Variants in TMEM127 observed in about 807,000 individuals in gnomAD.
TMEM127 encodes the protein transmembrane protein 127.
A neutral mutation model predicts 20.1 loss-of-function variants in TMEM127; 21 were observed. That is an observed-to-expected ratio of 1.04 (90% CI 0.74 to 1.50). The LOEUF (loss-of-function observed/expected upper bound fraction) is 1.50. TMEM127 is among the 40% of genes most tolerant of loss of function. TMEM127 has a pLI of 0.00. For synonymous variants in TMEM127, 150 were observed against 144.7 expected (o/e 1.04, Z -0.26); for missense variants, 303 against 317.4 (o/e 0.95, Z 0.34).
intron 2 of TMEM127, among the ~76,000 whole-genome samples, chr2:96,256,650 TAAAGA>T (rs1472048047): frequency 1.4e-5 from 2 of 143,708 alleles, no homozygotes; most frequent in Non-Finnish European, 3.1e-5. Flanking sequence ...AAAAGTAAAA[TAAAGA>T]AAAGAGGAAG....
chr2:96,259,268 C>T (rs925553503), intron 2 of TMEM127, among the ~76,000 whole-genome samples: 7 of 152,236 alleles, frequency 4.6e-5, no homozygotes, highest in African/African-American at 1.7e-4. Flanking sequence ...GAGTCGGGGG[C>T]TCCAGAAGGT....
chr2:96,255,681 G>GA (rs1164637028), intron 2 of TMEM127, among the ~76,000 whole-genome samples: 4 of 152,200 alleles, frequency 2.6e-5, no homozygotes, highest in Non-Finnish European at 5.9e-5. Flanking sequence ...AGATAGTCAT[G>GA]ATGCATGTGC....
chr2:96,264,166 G>A (rs754897701), intron 2 of TMEM127, among the ~76,000 whole-genome samples: 3 of 152,246 alleles, frequency 2.0e-5, no homozygotes, highest in Non-Finnish European at 4.4e-5. Context: ...TGCAGAAGCA[G>A]AGTATGGTCC....
intron 2 of TMEM127, among the ~76,000 whole-genome samples, chr2:96,257,072 G>T (rs1174596376): frequency 6.6e-6 from 1 of 152,204 alleles, no homozygotes; most frequent in Non-Finnish European, 1.5e-5. Context: ...TGGGGGTCAT[G>T]GTGCAGGGAG....
rs554246308 is a variant in TMEM127 at position 96,256,144 on chromosome 2, G to A, written c.245-1147C>T. Reference sequence around the variant, plus strand: ...AAATTAGCTGGGTGTGATCGCATGCGCCTGTAGTCCCAGCTACTCTGGAGG... The same window carrying A: ...AAATTAGCTGGGTGTGATCGCATGCACCTGTAGTCCCAGCTACTCTGGAGG... On this transcript the variant is annotated intron_variant, in intron 2 of 3. Coordinates refer to ENST00000258439, the MANE Select transcript of TMEM127 (RefSeq NM_017849.4). Among the ~76,000 whole-genome samples, 10 of 151,784 alleles carry A rather than the reference G, an allele frequency of 6.6e-5. No individual in the cohort carries two copies. The South Asian group carries it at 1.7e-3, about 25-fold the overall frequency.
At chr2:96,263,020 A>G (rs1297949841) in intron 2 of TMEM127, among the ~76,000 whole-genome samples, 1 of 151,134 alleles carries the variant, frequency 6.6e-6, no homozygotes. Context: ...ACACATGTGA[A>G]CAAAGAAGAA....
Position 96,253,689 on chromosome 2 carries a change from T to C in TMEM127, c.*119A>G, listed in dbSNP as rs1684137756. On this transcript the variant is annotated 3_prime_UTR_variant, in exon 4 of 4. Transcript: ENST00000258439. The surrounding 1 kb of genome is among the most constrained non-coding windows in gnomAD (Gnocchi z 4.3). The stretch of plus-strand genomic sequence containing the variant: ...GGCAGAGTCTCTCCTGGGGAAGGTT[T>C]GGAGAAGATGGTCAGGATCCTACCA... 1 of 1,142,742 alleles carries C rather than the reference T, an allele frequency of 8.8e-7. No individual in the cohort carries two copies. Among genetic ancestry groups the C allele is most frequent in the Non-Finnish European group, 1.2e-6 (1 of 815,938 alleles). The allele number at this position is 1,142,742 out of a possible 1,614,324, so 70.8% of individuals were successfully genotyped here.
intron 2 of TMEM127, among the ~76,000 whole-genome samples, chr2:96,264,694 C>T (rs1684378039): frequency 6.6e-6 from 1 of 152,228 alleles, no homozygotes; most frequent in Non-Finnish European, 1.5e-5. Flanking sequence ...CACAGATTCC[C>T]TTCTTCTCTA....
At position 96,248,933 on chromosome 2, in the gene TMEM127, G is replaced by A. The variant is rs1684029871; in HGVS notation, c.*4875C>T. ...CTTATGAAGCCCCTTACCACCCACTGTGTTGCTGTCCCACTCAGCTGAAGG... is the reference window on the plus strand; with the variant it reads ...CTTATGAAGCCCCTTACCACCCACTATGTTGCTGTCCCACTCAGCTGAAGG... On this transcript the variant is annotated 3_prime_UTR_variant, in exon 4 of 4. Transcript: ENST00000258439. 1 of 232,682 alleles carries A rather than the reference G, an allele frequency of 4.3e-6. No homozygotes were observed. Among genetic ancestry groups the A allele is most frequent in the Non-Finnish European group, 8.5e-6 (1 of 117,702 alleles). The allele number at this position is 232,682 out of a possible 1,614,324, so 14.4% of individuals were successfully genotyped here.
At chr2:96,260,540 G>C (rs1026416892) in intron 2 of TMEM127, 10 of 152,330 alleles carry the variant, frequency 6.6e-5, no homozygotes, top group African/African-American at 2.2e-4. Context: ...ACACTGCTTG[G>C]CGGTGCCCTC....
rs1684047222 is a variant in TMEM127 at position 96,249,642 on chromosome 2, C to T, written c.*4166G>A. ...CTCTTCTCCACAAACCTCCTGCCTC[C>T]CATTAAAATGTCACTCCCCCCAAAA... On this transcript the variant is annotated 3_prime_UTR_variant, in exon 4 of 4. Transcript: ENST00000258439. 1 of 232,908 alleles carries T rather than the reference C, an allele frequency of 4.3e-6. No homozygotes were observed. Among genetic ancestry groups the T allele is most frequent in the Admixed American group, 5.6e-5 (1 of 17,768 alleles). The allele number at this position is 232,908 out of a possible 1,614,324, so 14.4% of individuals were successfully genotyped here. A position where few individuals can be genotyped will look rare whatever the true frequency, so the allele number is the denominator to read the frequency against.
intron 2 of TMEM127, among the ~76,000 whole-genome samples, chr2:96,255,762 G>A (rs1041937242): frequency 1.1e-4 from 17 of 152,136 alleles, no homozygotes; most frequent in South Asian, 2.1e-4. Context: ...AGGATTGCTC[G>A]AGGCCAAGAG....
At chr2:96,265,595 G>A (rs1684405586) in intron 1 of TMEM127, 83 bp from the exon 2 acceptor site, 2 of 491,354 alleles carry the variant, frequency 4.1e-6, no homozygotes, top group African/African-American at 2.0e-5. Flanking sequence ...TCGGGGGGCG[G>A]AGACAGGAGA....
chr2:96,261,831 T>G (rs1684316366), intron 2 of TMEM127, among the ~76,000 whole-genome samples: 1 of 152,010 alleles, frequency 6.6e-6, no homozygotes, highest in Non-Finnish European at 1.5e-5. Context: ...AAAGCAGGCA[T>G]GGGGTGTGCT....
chr2:96,265,330 G>A lies in TMEM127; in HGVS notation c.52C>T (p.Pro18Ser), dbSNP rs1452142786. The A allele has an allele frequency of 5.3e-6, 8 of 1,520,814 alleles. No individual in the cohort carries two copies. Among genetic ancestry groups the A allele is most frequent in the African/African-American group, 2.8e-5 (2 of 72,030 alleles). The allele number at this position is 1,520,814 out of a possible 1,614,324, so 94.2% of individuals were successfully genotyped here. ...TGCTTGGGCAGAGCGCTGCCTCCCG[G>A]GCTCCTCCGCCGGCGCCCGCCGGGC... Reference protein sequence around the residue: ...GLPGGRRRRSPGGSALPKQPE... With the variant: ...GLPGGRRRRSSGGSALPKQPE... The change falls in exon 2 of 4, where the codon CCG becomes TCG. Residue 18 changes from proline (P) to serine (S), a missense_variant. Transcript: ENST00000258439.
chr2:96,254,529 T>C (rs926982387), intron 3 of TMEM127, among the ~76,000 whole-genome samples: 3 of 152,230 alleles, frequency 2.0e-5, no homozygotes, highest in African/African-American at 7.2e-5. Flanking sequence ...GCCTGGTTCC[T>C]TCTTCACTCA....
rs1489772620 is a variant in TMEM127 at position 96,255,009 on chromosome 2, G to A, written c.245-12C>T. Reference sequence around the variant, plus strand: ...ATTCATGCAGAAATCTGTAGAGGGAGAACCAAATTTTCACGGCCCCAAGTA... The same window carrying A: ...ATTCATGCAGAAATCTGTAGAGGGAAAACCAAATTTTCACGGCCCCAAGTA... On this transcript the variant is annotated splice_polypyrimidine_tract_variant and intron_variant, in intron 2 of 3. Coordinates refer to ENST00000258439, the MANE Select transcript of TMEM127 (RefSeq NM_017849.4). The A allele has an allele frequency of 1.2e-6, 2 of 1,613,970 alleles. No homozygotes were observed. The highest frequency in any genetic ancestry group is 1.3e-5 in the African/African-American group (1 of 74,930).
Position 96,251,456 on chromosome 2 carries a change from G to A in TMEM127, c.*2352C>T. The A allele has an allele frequency of 4.7e-6, 1 of 210,786 alleles. No individual in the cohort carries two copies. Among genetic ancestry groups the A allele is most frequent in the Non-Finnish European group, 9.6e-6 (1 of 103,762 alleles). 13.1% of individuals were successfully genotyped at this position (210,786 alleles called of 1,614,324 possible). On this transcript the variant is annotated 3_prime_UTR_variant, in exon 4 of 4. Transcript: ENST00000258439. ...AATCGCTTGAACCCAGGAGGCAGAG[G>A]TTGCAGTGAGCTGAGATCATGCCAC...
In TMEM127 at chr2:96,256,440, G is replaced by A. The variant is rs562671564; in HGVS notation, c.245-1443C>T. The stretch of plus-strand genomic sequence containing the variant: ...TACAAAATTAGCCGGGCGTGGTGGT[G>A]CATGCCTGTGATCCCAGCTACTTGG... On this transcript the variant is annotated intron_variant, in intron 2 of 3. Transcript: ENST00000258439. Among the ~76,000 whole-genome samples, 2 of 150,958 alleles carry A rather than the reference G, an allele frequency of 1.3e-5. No individual in the cohort carries two copies. The highest frequency in any genetic ancestry group is 2.4e-5 in the African/African-American group (1 of 41,038).
Sources: allele counts gnomAD v4.1 joint callset (sites outside exome capture counted in the v4.1 genomes callset), GRCh38; gene constraint gnomAD v4.1.1; non-coding constraint Gnocchi (gnomAD v3.1); transcripts MANE v1.5; gene names NCBI Gene and HGNC (gene_info 2026-07-23, HGNC 2026-07-21).